The following RASGRF2 variants were observed in gnomAD, a reference collection of about 807,000 sequenced individuals.
RASGRF2 encodes the protein Ras protein specific guanine nucleotide releasing factor 2.
RASGRF2 carries 76 observed loss-of-function variants against 151.0 expected under a neutral mutation model. The observed-to-expected ratio is 0.50, with a 90% CI of 0.42 to 0.61. The LOEUF (loss-of-function observed/expected upper bound fraction) is 0.61. Ranked by LOEUF, RASGRF2 falls within the 20% of genes least tolerant of loss-of-function variation. The pLI is 0.00. For missense variants in RASGRF2, 1,148 were observed against 1,564.6 expected, an observed-to-expected ratio of 0.73 and a Z score of 4.49; for synonymous variants, 504 against 566.5, an observed-to-expected ratio of 0.89 and a Z score of 1.57.
intron 2 of RASGRF2, among the ~76,000 whole-genome samples, chr5:81,048,339 A>C (rs1750903521): frequency 6.7e-6 from 1 of 150,012 alleles, no homozygotes; most frequent in Non-Finnish European, 1.5e-5. Context: ...TATTTGCCAC[A>C]ATGAAAGATA....
In RASGRF2 at chr5:81,075,726, G is replaced by GA. The variant is rs150323208; in HGVS notation, c.887+2275dup. Among the ~76,000 whole-genome samples the GA allele has an allele frequency of 5.4e-3, 820 of 152,336 alleles. 8 individuals carry two copies. Among genetic ancestry groups the GA allele is most frequent in the African/African-American group, 0.019 (779 of 41,574 alleles). Reference sequence around the variant, plus strand: ...CTTTTCTCTTGGATCTGTTGAGCGTGAGATGCTATTAGCCATCTAAGTGGA... The same window carrying GA: ...CTTTTCTCTTGGATCTGTTGAGCGTGAAGATGCTATTAGCCATCTAAGTGGA... On this transcript the variant is annotated intron_variant, in intron 5 of 26. Transcript: ENST00000265080.
chr5:81,037,865 A>G (rs1750553459), intron 1 of RASGRF2, among the ~76,000 whole-genome samples: 1 of 152,158 alleles, frequency 6.6e-6, no homozygotes. Flanking sequence ...GAAACCCATT[A>G]TCTTCAGTTT....
intron 12 of RASGRF2, among the ~76,000 whole-genome samples, chr5:81,099,094 C>T (rs1458170151): frequency 6.6e-6 from 1 of 152,182 alleles, no homozygotes; most frequent in Admixed American, 6.5e-5. Context: ...CCATTCTAAA[C>T]TCCATAAGCT....
At chr5:80,980,135 C>A (rs540991802) in intron 1 of RASGRF2, among the ~76,000 whole-genome samples, 8 of 152,244 alleles carry the variant, frequency 5.3e-5, no homozygotes, top group South Asian at 2.1e-4. Flanking sequence ...TTTGAAAAAA[C>A]CAAAACAAAA....
At chr5:81,122,285 A>G (rs777369104) in intron 15 of RASGRF2, among the ~76,000 whole-genome samples, 2 of 152,180 alleles carry the variant, frequency 1.3e-5, no homozygotes, top group Non-Finnish European at 2.9e-5. Flanking sequence ...GACCAAGGAC[A>G]TGTATTTGAT....
At chr5:80,961,566 G>A (rs945135467) in intron 1 of RASGRF2, among the ~76,000 whole-genome samples, 1 of 152,148 alleles carries the variant, frequency 6.6e-6, no homozygotes, top group East Asian at 1.9e-4. Flanking sequence ...TGTGATTTCG[G>A]TCAGTTGGCC....
At chr5:81,079,868 T>C (rs1213397212) in intron 5 of RASGRF2, among the ~76,000 whole-genome samples, 1 of 152,214 alleles carries the variant, frequency 6.6e-6, no homozygotes, top group African/African-American at 2.4e-5. Context: ...CACTTAAAAA[T>C]TGATGAAGAA....
At chr5:81,011,094 C>A (rs1749443915) in intron 1 of RASGRF2, among the ~76,000 whole-genome samples, 1 of 152,128 alleles carries the variant, frequency 6.6e-6, no homozygotes, top group African/African-American at 2.4e-5. Context: ...GAAAAATGCA[C>A]AAAATATATG....
At chr5:81,036,267 A>T (rs970725974) in intron 1 of RASGRF2, among the ~76,000 whole-genome samples, 1 of 152,040 alleles carries the variant, frequency 6.6e-6, no homozygotes, top group Non-Finnish European at 1.5e-5. Context: ...CGTTATAGTC[A>T]TTGCAGATTT....
chr5:81,202,701 G>A (rs1409958428), intron 19 of RASGRF2, among the ~76,000 whole-genome samples: 1 of 152,230 alleles, frequency 6.6e-6, no homozygotes, highest in Non-Finnish European at 1.5e-5. Flanking sequence ...TAGGGTGGAG[G>A]TATTGGAGTA....
intron 18 of RASGRF2, among the ~76,000 whole-genome samples, chr5:81,200,252 CAGAG>C (rs1050453573): frequency 6.9e-6 from 1 of 144,536 alleles, no homozygotes; most frequent in Non-Finnish European, 1.5e-5. Context: ...GCCTGGGTGA[CAGAG>C]AGAGACCCTG....
chr5:81,121,574 C>G (rs999742656), intron 15 of RASGRF2, among the ~76,000 whole-genome samples: 5 of 152,172 alleles, frequency 3.3e-5, no homozygotes, highest in African/African-American at 1.2e-4. Flanking sequence ...ATGAGTGAGG[C>G]AATGAACTTA....
chr5:81,019,663 GA>G (rs1365217546), intron 1 of RASGRF2: 1 of 152,042 alleles, frequency 6.6e-6, no homozygotes, highest in East Asian at 1.9e-4. Flanking sequence ...ATTTTTTTTA[GA>G]AATTATTTTT....
chr5:81,123,359 T>C (rs1323593115), intron 15 of RASGRF2, among the ~76,000 whole-genome samples: 1 of 152,142 alleles, frequency 6.6e-6, no homozygotes, highest in Non-Finnish European at 1.5e-5. Context: ...GGGCAGGGGA[T>C]CCACCACATA....
chr5:81,113,723 T>G lies in RASGRF2; in HGVS notation c.2273T>G (p.Leu758Trp), dbSNP rs763369674. Reference sequence around the variant, plus strand: ...CCCTTGAACTCAAAGATAGGAGCATTGGACCTGACAACTTCCAGCAGTCCC... The same window carrying G: ...CCCTTGAACTCAAAGATAGGAGCATGGGACCTGACAACTTCCAGCAGTCCC... ...TSPLNSKIGA[L>W]DLTTSSSPTT... Residue 758 changes from leucine to tryptophan, a missense_variant, in exon 15 of 27, where the codon TTG becomes TGG. By Grantham distance (61) the Leu-to-Trp change is moderately conservative. Transcript: ENST00000265080. 5 of 1,613,988 alleles carry G rather than the reference T, an allele frequency of 3.1e-6. No individual in the cohort carries two copies. The highest frequency in any genetic ancestry group is 1.7e-5 in the Admixed American group (1 of 60,012).
At chr5:80,984,540 T>G (rs1339536822) in intron 1 of RASGRF2, among the ~76,000 whole-genome samples, 2 of 152,370 alleles carry the variant, frequency 1.3e-5, no homozygotes, top group East Asian at 1.9e-4. Context: ...TTATTTTAAA[T>G]CAGGTATTCC....
intron 11 of RASGRF2, 46 bp downstream of exon 11, chr5:81,094,408 GGA>G: frequency 6.5e-7 from 1 of 1,533,654 alleles, no homozygotes; most frequent in East Asian, 2.3e-5. Flanking sequence ...ATTAGAGGCG[GGA>G]GAGAGAGGCT....
chr5:81,219,832 A>C, intron 26 of RASGRF2, 54 bp downstream of exon 26: 1 of 1,418,934 alleles, frequency 7.0e-7, no homozygotes, highest in East Asian at 2.3e-5. Context: ...GAAATTAATG[A>C]ATTAGAAAAC....
At position 81,035,310 on chromosome 5, in the gene RASGRF2, C is replaced by T. The variant is rs986386024; in HGVS notation, c.289-7567C>T. Among the ~76,000 whole-genome samples, 4 of 152,158 alleles carry T rather than the reference C, an allele frequency of 2.6e-5. No homozygotes were observed. The East Asian group carries it at 5.8e-4, about 22-fold the overall frequency. On this transcript the variant is annotated intron_variant, in intron 1 of 26. Coordinates refer to ENST00000265080, the MANE Select transcript of RASGRF2 (RefSeq NM_006909.3). Reference sequence around the variant, plus strand: ...AAAAAGGATGAGTTCATGTCCTTTGCAGGGACATGGATGAAGCTGGAAACC... The same window carrying T: ...AAAAAGGATGAGTTCATGTCCTTTGTAGGGACATGGATGAAGCTGGAAACC...
Sources: gnomAD v4.1 joint callset for allele counts (sites outside exome capture counted in the v4.1 genomes callset) on GRCh38, gnomAD v4.1.1 for gene constraint, MANE v1.5 for transcripts, NCBI Gene and HGNC (gene_info 2026-07-23, HGNC 2026-07-21) for gene names.